Variants in DMD observed in about 807,000 individuals in gnomAD.
DMD encodes mutant dystrophin.
A neutral mutation model predicts 330.1 loss-of-function variants in DMD; 63 were observed. The ratio of observed to expected loss-of-function variants is 0.19; its 90% CI spans 0.16 to 0.24. The LOEUF is 0.24. Ranked by LOEUF, DMD falls within the 10% of genes least tolerant of loss-of-function variation. The pLI, the probability that DMD is intolerant of heterozygous loss-of-function variation, is 1.00. For synonymous variants in DMD, 1,223 were observed against 959.8 expected, an observed-to-expected ratio of 1.27 and a Z score of -5.07; for missense variants, 3,344 against 2,684.1, an observed-to-expected ratio of 1.25 and a Z score of -5.43.
At chrX:31,615,968 C>A (rs1285151922) in intron 55 of DMD, among the ~76,000 whole-genome samples, 1 of 111,842 alleles carries the variant, frequency 8.9e-6, no homozygotes, top group Non-Finnish European at 1.9e-5. Context: ...CTGTTCCATG[C>A]ACTTCAGTAC....
Position 32,942,790 on chromosome X carries a change from G to T in DMD, c.93+77349C>A, listed in dbSNP as rs538271738. On this transcript the variant is annotated intron_variant, in intron 2 of 78. Coordinates refer to ENST00000357033, the MANE Select transcript of DMD (RefSeq NM_004006.3). ...GACCTAATCATAGTTAGAGAACACAGAAGGAATGCAACTCAACATAAAATT... is the reference window on the plus strand; with the variant it reads ...GACCTAATCATAGTTAGAGAACACATAAGGAATGCAACTCAACATAAAATT... Among the ~76,000 whole-genome samples, 9 of 111,609 alleles carry T rather than the reference G, an allele frequency of 8.1e-5. No individual in the cohort carries two copies. The South Asian group carries it at 3.4e-3, about 42-fold the overall frequency.
chrX:32,238,831 A>G (rs2097197662), intron 43 of DMD, among the ~76,000 whole-genome samples: 1 of 111,569 alleles, frequency 9.0e-6, no homozygotes, highest in Admixed American at 9.5e-5. Context: ...TATGATGATG[A>G]GCCTTGGTGT....
chrX:31,842,000 G>A (rs895356493), intron 48 of DMD, among the ~76,000 whole-genome samples: 2 of 109,647 alleles, frequency 1.8e-5, no homozygotes, highest in East Asian at 2.8e-4. Flanking sequence ...CCTAGGTAGC[G>A]ATTCCTCTGA....
intron 63 of DMD, among the ~76,000 whole-genome samples, chrX:31,228,275 T>TAAAAAAAAAAAAAAAAAA (rs779738772): frequency 1.2e-5 from 1 of 83,999 alleles, no homozygotes; most frequent in African/African-American, 4.2e-5. Context: ...AATAAAAAAA[T>TAAAAAAAAAAAAAAAAAA]AAAAAAAAAA....
chrX:32,564,153 G>T lies in DMD; in HGVS notation c.1992+1549C>A, dbSNP rs147893236. On this transcript the variant is annotated intron_variant, in intron 16 of 78. Coordinates refer to ENST00000357033, the MANE Select transcript of DMD (RefSeq NM_004006.3). ...GAGATTTTCTGAGCAAAATGTTTAG[G>T]AATATGCATTTTAATTAGCTCCTCA... Among the ~76,000 whole-genome samples the T allele has an allele frequency of 1.7e-3, 186 of 111,471 alleles. 5 individuals are homozygous for T. The East Asian group carries it at 0.045, about 27-fold the overall frequency.
intron 2 of DMD, among the ~76,000 whole-genome samples, chrX:32,877,513 A>C (rs888501703): frequency 6.2e-5 from 7 of 112,232 alleles, no homozygotes; most frequent in Non-Finnish European, 1.3e-4. Flanking sequence ...AATTGGGTCC[A>C]CGTAATCTTC....
chrX:31,672,409 G>T (rs2081858338), intron 53 of DMD, among the ~76,000 whole-genome samples: 1 of 111,947 alleles, frequency 8.9e-6, no homozygotes, highest in East Asian at 2.8e-4. Context: ...TATCTGTTAG[G>T]TCTTGTAAGT....
intron 51 of DMD, among the ~76,000 whole-genome samples, chrX:31,739,433 ACAGT>A (rs771192082): frequency 4.5e-5 from 5 of 111,798 alleles, no homozygotes; most frequent in African/African-American, 1.3e-4. Flanking sequence ...AAACAATAAG[ACAGT>A]CAGTGAAATT....
chrX:32,745,911 A>G (rs1025434972), intron 7 of DMD, among the ~76,000 whole-genome samples: 2 of 112,321 alleles, frequency 1.8e-5, no homozygotes, highest in African/African-American at 3.2e-5. Context: ...GTTTCAGGAA[A>G]AAGACAGCGA....
chrX:31,571,125 T>C (rs934325280), intron 55 of DMD, among the ~76,000 whole-genome samples: 1 of 111,704 alleles, frequency 9.0e-6, no homozygotes, highest in Non-Finnish European at 1.9e-5. Flanking sequence ...CTTAGGAAAC[T>C]ATTTTGAGAA....
chrX:31,120,612 A>G lies in DMD; in HGVS notation c.*1307T>C, dbSNP rs1387024559. ...CTTTTGACTGTGAGAAGAGGGCATA[A>G]TAATTTAGTTGTAATTACAGAGAAC... is the stretch of plus-strand genomic sequence containing the variant. On this transcript the variant is annotated 3_prime_UTR_variant, in exon 79 of 79. Transcript: ENST00000357033. The G allele has an allele frequency of 8.9e-6, 1 of 112,201 alleles. No homozygotes were observed. The highest frequency in any genetic ancestry group is 9.5e-5 in the Admixed American group (1 of 10,532). 9.2% of individuals were successfully genotyped at this position (112,201 alleles called of 1,213,427 possible). A position where few individuals can be genotyped will look rare whatever the true frequency, so the allele number is the denominator to read the frequency against.
At chrX:31,898,731 G>A (rs2094382654) in intron 47 of DMD, among the ~76,000 whole-genome samples, 1 of 111,616 alleles carries the variant, frequency 9.0e-6, no homozygotes, top group Non-Finnish European at 1.9e-5. Flanking sequence ...AATCCTTTAG[G>A]GTTTTACCCT....
intron 47 of DMD, among the ~76,000 whole-genome samples, chrX:31,893,251 T>C (rs188088121): frequency 6.3e-5 from 7 of 111,971 alleles, no homozygotes; most frequent in African/African-American, 9.7e-5. Flanking sequence ...AATAGTAGCT[T>C]GTCTTGAACA....
intron 9 of DMD, among the ~76,000 whole-genome samples, chrX:32,674,987 C>G (rs2147245840): frequency 9.0e-6 from 1 of 111,385 alleles, no homozygotes; most frequent in East Asian, 2.8e-4. Context: ...TTAATAAATC[C>G]TTAAATAATC....
At chrX:32,536,501 G>C (rs1452075703) in intron 17 of DMD, among the ~76,000 whole-genome samples, 1 of 111,791 alleles carries the variant, frequency 8.9e-6, no homozygotes. Context: ...CTAAAGCATA[G>C]GGCAGTGCGG....
chrX:32,738,380 T>TA (rs2068796509), intron 7 of DMD, among the ~76,000 whole-genome samples: 1 of 111,742 alleles, frequency 8.9e-6, no homozygotes, highest in African/African-American at 3.3e-5. Context: ...ATCCAATCTC[T>TA]ACTTCCTATT....
chrX:32,561,089 G>C (rs141715755), intron 16 of DMD, among the ~76,000 whole-genome samples: 5 of 111,284 alleles, frequency 4.5e-5, no homozygotes, highest in African/African-American at 1.6e-4. Context: ...CCATGCCAGC[G>C]TCTGTTGTAT....
At chrX:32,449,801 C>T (rs1467146063) in intron 26 of DMD, among the ~76,000 whole-genome samples, 1 of 110,208 alleles carries the variant, frequency 9.1e-6, no homozygotes, top group African/African-American at 3.3e-5. Flanking sequence ...CTCCAGGGGT[C>T]AAACCTGACA....
At chrX:32,852,397 CAGTATTCACCA>C (rs2081210512) in intron 2 of DMD, among the ~76,000 whole-genome samples, 1 of 111,756 alleles carries the variant, frequency 8.9e-6, no homozygotes, top group Non-Finnish European at 1.9e-5. Flanking sequence ...AGTAGCCAGG[CAGTATTCACCA>C]AGTCTTGGGT....
Sources: allele counts gnomAD v4.1 joint callset (sites outside exome capture counted in the v4.1 genomes callset), GRCh38; gene constraint gnomAD v4.1.1; transcripts MANE v1.5; gene names NCBI Gene and HGNC (gene_info 2026-07-23, HGNC 2026-07-21).